The following ADAMTS17 variants were observed in gnomAD, a reference collection of about 807,000 sequenced individuals.
ADAMTS17 encodes the protein ADAM metallopeptidase with thrombospondin type 1 motif 17.
Under a neutral mutation model 141.5 loss-of-function variants are expected in ADAMTS17, and 113 were observed. The observed-to-expected ratio is 0.80, with a 90% confidence interval of 0.69 to 0.93. ADAMTS17 has a LOEUF of 0.93. Ranked by LOEUF, ADAMTS17 falls within the 40% of genes least tolerant of loss-of-function variation. ADAMTS17 has a pLI of 0.00. For synonymous variants in ADAMTS17, 768 were observed against 630.6 expected, an observed-to-expected ratio of 1.22 and a Z score of -3.27; for missense variants, 1,659 against 1,517.9, an observed-to-expected ratio of 1.09 and a Z score of -1.54.
At chr15:100,064,350 A>C (rs1310547345) in intron 15 of ADAMTS17, among the ~76,000 whole-genome samples, 1 of 152,166 alleles carries the variant, frequency 6.6e-6, no homozygotes, top group African/African-American at 2.4e-5. Flanking sequence ...AAAAGACAGT[A>C]AGTTTCTGGT....
chr15:100,179,320 G>A (rs1009437355), intron 8 of ADAMTS17, among the ~76,000 whole-genome samples: 3 of 152,132 alleles, frequency 2.0e-5, no homozygotes, highest in Admixed American at 2.0e-4. Context: ...TAGAACATGT[G>A]AAGTTCGTAT....
intron 18 of ADAMTS17, among the ~76,000 whole-genome samples, chr15:100,001,356 T>C (rs960604291): frequency 1.4e-5 from 2 of 143,610 alleles, no homozygotes; most frequent in Non-Finnish European, 3.0e-5. Flanking sequence ...TCTTTTCCTT[T>C]TTTTTTTTTT....
chr15:100,230,268 T>G (rs2042437629), intron 7 of ADAMTS17, among the ~76,000 whole-genome samples: 1 of 152,212 alleles, frequency 6.6e-6, no homozygotes, highest in South Asian at 2.1e-4. Context: ...TTGTGGTACC[T>G]TCAAAGAGAA....
chr15:100,234,835 G>A (rs944970361), intron 7 of ADAMTS17, among the ~76,000 whole-genome samples: 6 of 152,176 alleles, frequency 3.9e-5, no homozygotes, highest in African/African-American at 1.4e-4. Context: ...CTTCTCCCAA[G>A]GCGCCCCCTC....
At chr15:100,077,101 C>T (rs1289962081) in intron 15 of ADAMTS17, among the ~76,000 whole-genome samples, 1 of 151,750 alleles carries the variant, frequency 6.6e-6, no homozygotes, top group African/African-American at 2.4e-5. Context: ...AAGGATTCTA[C>T]ATTATGATCA....
intron 18 of ADAMTS17, among the ~76,000 whole-genome samples, chr15:100,033,664 T>C (rs1027031239): frequency 1.6e-4 from 24 of 152,318 alleles, no homozygotes; most frequent in African/African-American, 5.8e-4. Context: ...GAAAGACTGA[T>C]AAGACTTTGC....
intron 18 of ADAMTS17, among the ~76,000 whole-genome samples, chr15:100,048,382 C>T (rs958963945): frequency 1.3e-5 from 2 of 152,120 alleles, no homozygotes; most frequent in Non-Finnish European, 2.9e-5. Flanking sequence ...AAAGCTGGGG[C>T]TGGGACAGAA....
intron 18 of ADAMTS17, among the ~76,000 whole-genome samples, chr15:100,008,699 C>A (rs114338472): frequency 6.6e-6 from 1 of 152,220 alleles, no homozygotes; most frequent in Non-Finnish European, 1.5e-5. Flanking sequence ...ATCTGGAAAG[C>A]GAGATGGATC....
chr15:100,299,694 T>C (rs772391511), intron 3 of ADAMTS17, among the ~76,000 whole-genome samples: 5 of 152,156 alleles, frequency 3.3e-5, no homozygotes, highest in Admixed American at 6.5e-5. Flanking sequence ...ACAGATGGTC[T>C]TTCATCTTTG....
At chr15:100,162,846 A>C (rs1455318934) in intron 8 of ADAMTS17, among the ~76,000 whole-genome samples, 1 of 146,224 alleles carries the variant, frequency 6.8e-6, no homozygotes, top group African/African-American at 2.5e-5. Flanking sequence ...AACTATATAT[A>C]GTTATATATC....
intron 18 of ADAMTS17, among the ~76,000 whole-genome samples, chr15:100,032,091 T>A (rs941709036): frequency 2.0e-5 from 3 of 152,170 alleles, no homozygotes; most frequent in Admixed American, 6.5e-5. Context: ...GTGGGTTTGA[T>A]TCCTGAACGG....
intron 3 of ADAMTS17, among the ~76,000 whole-genome samples, chr15:100,320,991 A>G (rs907407637): frequency 5.2e-5 from 8 of 152,384 alleles, no homozygotes; most frequent in African/African-American, 1.4e-4. Context: ...GCTGACAAAG[A>G]TATCAGTAAA....
intron 4 of ADAMTS17, among the ~76,000 whole-genome samples, chr15:100,267,555 G>A (rs576913995): frequency 6.6e-6 from 1 of 152,046 alleles, no homozygotes; most frequent in African/African-American, 2.4e-5. Flanking sequence ...AGATTCAGGG[G>A]TATGTGTGCA....
chr15:100,026,814 C>A (rs78539266), intron 18 of ADAMTS17, among the ~76,000 whole-genome samples: 4,402 of 152,290 alleles, frequency 0.029, 113 homozygotes, highest in African/African-American at 0.067. Context: ...GCTCTGCCCA[C>A]CTTGAAACAA....
intron 13 of ADAMTS17, among the ~76,000 whole-genome samples, chr15:100,114,475 C>T (rs2141133367): frequency 6.6e-6 from 1 of 152,282 alleles, no homozygotes; most frequent in South Asian, 2.1e-4. Flanking sequence ...TTTAAAAATG[C>T]TGGCTTCTGT....
At chr15:100,063,302 G>T (rs987921841) in intron 15 of ADAMTS17, among the ~76,000 whole-genome samples, 1 of 152,306 alleles carries the variant, frequency 6.6e-6, no homozygotes, top group East Asian at 1.9e-4. Context: ...GCCCAATGGG[G>T]CTTCCTGCAA....
intron 7 of ADAMTS17, among the ~76,000 whole-genome samples, chr15:100,232,667 G>C (rs2042521423): frequency 6.6e-6 from 1 of 152,240 alleles, no homozygotes. Flanking sequence ...AAGTCTTCCT[G>C]TGTCAGTGGA....
At chr15:100,107,302 G>A (rs1446540266) in intron 14 of ADAMTS17, among the ~76,000 whole-genome samples, 1 of 152,162 alleles carries the variant, frequency 6.6e-6, no homozygotes, top group Non-Finnish European at 1.5e-5. Context: ...ATGGGCAAGT[G>A]GACCTGACGC....
At chr15:100,283,921 C>G (rs1257570592) in intron 3 of ADAMTS17, among the ~76,000 whole-genome samples, 2 of 152,154 alleles carry the variant, frequency 1.3e-5, no homozygotes, top group African/African-American at 4.8e-5. Context: ...CCCTAGCCAA[C>G]CTGGTGAAAC....
Sources: gnomAD v4.1 joint callset for allele counts (sites outside exome capture counted in the v4.1 genomes callset) on GRCh38, gnomAD v4.1.1 for gene constraint, MANE v1.5 for transcripts, NCBI Gene and HGNC (gene_info 2026-07-23, HGNC 2026-07-21) for gene names.